DNAH9: variants seen among roughly 807,000 people sequenced by gnomAD.
DNAH9 encodes dynein axonemal heavy chain 9.
DNAH9 carries 345 observed loss-of-function variants against 471.6 expected under a neutral mutation model. The ratio of observed to expected loss-of-function variants is 0.73; its 90% CI spans 0.67 to 0.80. The LOEUF (loss-of-function observed/expected upper bound fraction) is 0.80. Among genes scored for constraint, DNAH9 ranks in the 30% least tolerant of loss-of-function variants. The pLI, the probability that DNAH9 is intolerant of heterozygous loss-of-function variation, is 0.00. For missense variants in DNAH9, 5,407 were observed against 5,609.2 expected (o/e 0.96, Z 1.15); for synonymous variants, 2,093 against 2,123.6 (o/e 0.99, Z 0.40).
intron 67 of DNAH9, among the ~76,000 whole-genome samples, chr17:11,951,658 C>T (rs1009063627): frequency 1.3e-5 from 2 of 152,130 alleles, no homozygotes; most frequent in African/African-American, 4.8e-5. Context: ...GGTGTGGTGG[C>T]TCACACCTGT....
chr17:11,836,895 A>G (rs920130088), intron 49 of DNAH9, among the ~76,000 whole-genome samples: 2 of 152,222 alleles, frequency 1.3e-5, no homozygotes, highest in Non-Finnish European at 2.9e-5. Flanking sequence ...TCGTTCAAAT[A>G]CTAGTTGCAC....
At chr17:11,770,313 T>C (rs1968152324) in intron 38 of DNAH9, among the ~76,000 whole-genome samples, 2 of 152,214 alleles carry the variant, frequency 1.3e-5, no homozygotes, top group South Asian at 2.1e-4. Context: ...CCCTGCCTGG[T>C]GTAAACCAGA....
intron 45 of DNAH9, among the ~76,000 whole-genome samples, chr17:11,810,576 A>C (rs1309407949): frequency 6.6e-6 from 1 of 152,208 alleles, no homozygotes. Flanking sequence ...ATTTCATTGC[A>C]AAACAGACAG....
At chr17:11,801,314 C>CACAG (rs1298013198) in intron 43 of DNAH9, among the ~76,000 whole-genome samples, 2 of 152,262 alleles carry the variant, frequency 1.3e-5, no homozygotes, top group African/African-American at 4.8e-5. Flanking sequence ...TCCTTGAGCA[C>CACAG]ACAGACTGTC....
chr17:11,931,200 G>A (rs953798720), intron 63 of DNAH9, among the ~76,000 whole-genome samples: 3 of 152,160 alleles, frequency 2.0e-5, no homozygotes, highest in Non-Finnish European at 4.4e-5. Context: ...GCCACACCAC[G>A]CCTGGGTGGA....
At chr17:11,765,243 G>T (rs1243043712) in intron 36 of DNAH9, among the ~76,000 whole-genome samples, 1 of 152,148 alleles carries the variant, frequency 6.6e-6, no homozygotes, top group Non-Finnish European at 1.5e-5. Flanking sequence ...AAAATATTCA[G>T]TTCTGTAGCA....
rs769247274 is a variant in DNAH9 at position 11,598,874 on chromosome 17, C to T, written c.376C>T (p.Pro126Ser). 40 of 1,542,806 alleles carry T rather than the reference C, an allele frequency of 2.6e-5. No homozygotes were observed. The African/African-American group carries it at 3.1e-4, about 12-fold the overall frequency. The change falls in exon 1 of 69, where the codon CCC (proline) becomes TCC (serine). Residue 126 changes from proline to serine, a missense_variant. By Grantham distance (74) the Pro-to-Ser change is moderately conservative. Coordinates refer to ENST00000262442, the MANE Select transcript of DNAH9 (RefSeq NM_001372.4). ...FRGAVVCGDL[P>S]AAPLEHLAAL... ...CGGCGCAGTGGTCTGCGGGGACCTG[C>T]CCGCGGCACCTCTGGAGCACCTAGC...
intron 27 of DNAH9, among the ~76,000 whole-genome samples, chr17:11,726,705 G>C (rs539314093): frequency 6.6e-6 from 1 of 152,218 alleles, no homozygotes; most frequent in East Asian, 1.9e-4. Context: ...CTTAGACTGA[G>C]CTCCCCTATG....
chr17:11,753,555 T>C (rs753401366), intron 33 of DNAH9, among the ~76,000 whole-genome samples: 10 of 152,106 alleles, frequency 6.6e-5, no homozygotes, highest in Non-Finnish European at 1.3e-4. Flanking sequence ...TAATCCCAGC[T>C]ATTCAGGAGG....
At chr17:11,942,186 G>C in intron 66 of DNAH9, 117 bp from the exon 67 acceptor site, 1 of 1,390,640 alleles carries the variant, frequency 7.2e-7, no homozygotes, top group Admixed American at 2.0e-5. Flanking sequence ...CATGTCAGTG[G>C]GTGGAGGGGC....
chr17:11,764,715 A>G (rs1008937782), intron 36 of DNAH9, among the ~76,000 whole-genome samples: 1 of 152,190 alleles, frequency 6.6e-6, no homozygotes, highest in Non-Finnish European at 1.5e-5. Context: ...TTCTTAAAAA[A>G]AAAAATTGCG....
At chr17:11,638,346 C>T (rs1180932597) in intron 9 of DNAH9, among the ~76,000 whole-genome samples, 5 of 152,072 alleles carry the variant, frequency 3.3e-5, no homozygotes, top group African/African-American at 4.8e-5. Flanking sequence ...CAAATGACCA[C>T]GACCTTAGTA....
chr17:11,703,446 T>C (rs1387154085), intron 24 of DNAH9, among the ~76,000 whole-genome samples: 1 of 152,168 alleles, frequency 6.6e-6, no homozygotes, highest in South Asian at 2.1e-4. Context: ...TGTTGCCTCC[T>C]CCTATTGCAG....
chr17:11,753,428 G>A (rs902028709), intron 33 of DNAH9, among the ~76,000 whole-genome samples: 1 of 152,100 alleles, frequency 6.6e-6, no homozygotes, highest in Non-Finnish European at 1.5e-5. Flanking sequence ...ACCCTGGGAG[G>A]CCAAGGCGGG....
At chr17:11,687,573 ACT>A (rs1414423233) in intron 19 of DNAH9, among the ~76,000 whole-genome samples, 1 of 152,018 alleles carries the variant, frequency 6.6e-6, no homozygotes, top group East Asian at 1.9e-4. Flanking sequence ...ACACACACAC[ACT>A]GTTGATGGGA....
At chr17:11,753,462 C>G (rs1050708959) in intron 33 of DNAH9, among the ~76,000 whole-genome samples, 1 of 152,072 alleles carries the variant, frequency 6.6e-6, no homozygotes, top group African/African-American at 2.4e-5. Context: ...GTCAGGAGTT[C>G]AAGACCAGCC....
intron 26 of DNAH9, among the ~76,000 whole-genome samples, chr17:11,711,104 G>A (rs2074820128): frequency 1.3e-5 from 2 of 152,164 alleles, no homozygotes; most frequent in African/African-American, 2.4e-5. Flanking sequence ...TTGCCTGGCA[G>A]GTATAGCAGA....
rs373168413 is a variant in DNAH9, at chr17:11,752,848, T to G, written c.6626T>G (p.Ile2209Ser). 8 of 1,595,730 alleles carry G rather than the reference T, an allele frequency of 5.0e-6. No homozygotes were observed. The African/African-American group carries it at 9.4e-5, about 19-fold the overall frequency. Residue 2209 changes from isoleucine (I) to serine (S), a missense_variant, in exon 33 of 69, where the codon ATC becomes AGC. Coordinates refer to ENST00000262442, the MANE Select transcript of DNAH9 (RefSeq NM_001372.4). Reference protein sequence around the residue: ...GEWKDGLFSSIMRELANITHD... With the variant: ...GEWKDGLFSSSMRELANITHD... ...TTCCTTTTAGGATTGTTCTCTTCCATCATGCGGGAGCTTGCCAACATCACC... is the reference window on the plus strand; with the variant it reads ...TTCCTTTTAGGATTGTTCTCTTCCAGCATGCGGGAGCTTGCCAACATCACC...
intron 50 of DNAH9, among the ~76,000 whole-genome samples, chr17:11,864,000 G>T (rs925505915): frequency 6.6e-6 from 1 of 150,660 alleles, no homozygotes; most frequent in Admixed American, 6.6e-5. Context: ...TTTTTGAAGG[G>T]TTTTTTGTGT....
Sources: allele counts gnomAD v4.1 joint callset (sites outside exome capture counted in the v4.1 genomes callset), GRCh38; gene constraint gnomAD v4.1.1; transcripts MANE v1.5; gene names NCBI Gene and HGNC (gene_info 2026-07-23, HGNC 2026-07-21).